COL4A4: variants seen among roughly 807,000 people sequenced by gnomAD.
The protein encoded by COL4A4 is collagen alpha-4(IV) chain.
COL4A4 carries 105 observed loss-of-function variants against 192.9 expected under a neutral mutation model. The observed-to-expected ratio is 0.54, with a 90% confidence interval of 0.46 to 0.64. COL4A4 has a LOEUF of 0.64. Among genes scored for constraint, COL4A4 ranks in the 30% least tolerant of loss-of-function variants. The probability of loss-of-function intolerance (pLI) is 0.00; values close to 1 mark genes in which losing one functional copy is unlikely to be tolerated. For synonymous variants in COL4A4, 762 were observed against 769.9 expected, an observed-to-expected ratio of 0.99 and a Z score of 0.17; for missense variants, 1,967 against 2,169.3, an observed-to-expected ratio of 0.91 and a Z score of 1.85.
downstream of COL4A4, chr2:226,998,558 C>G (rs915908388): frequency 2.6e-5 from 4 of 152,104 alleles, no homozygotes; most frequent in Admixed American, 6.6e-5. Flanking sequence ...TGAATCATTG[C>G]AGTCATTCCC....
At chr2:227,045,915 G>A (rs61212580) in intron 35 of COL4A4, among the ~76,000 whole-genome samples, 453 of 29,414 alleles carry the variant, frequency 0.015, 80 homozygotes, top group African/African-American at 0.069. Flanking sequence ...ATATATGTAT[G>A]TATATGTATA....
chr2:226,979,754 A>G, the COL4A4 span, among the ~76,000 whole-genome samples: 5 of 152,196 alleles, frequency 3.3e-5, no homozygotes, highest in Admixed American at 6.5e-5. Context: ...AGTCTCTGGC[A>G]ACTTTCAGAA....
Position 227,004,284 on chromosome 2 carries a change from C to A in COL4A4, c.*3041G>T, listed in dbSNP as rs1403480128. 1.3e-5 allele frequency: 2 copies of A among 152,356 alleles called. No individual in the cohort carries two copies. The highest frequency in any genetic ancestry group is 3.8e-4 in the East Asian group (2 of 5,198). The allele number at this position is 152,356 out of a possible 1,614,324, so 9.4% of individuals were successfully genotyped here. A position where few individuals can be genotyped will look rare whatever the true frequency, so the allele number is the denominator to read the frequency against. On this transcript the variant is annotated 3_prime_UTR_variant, in exon 48 of 48. Coordinates refer to ENST00000396625, the MANE Select transcript of COL4A4 (RefSeq NM_000092.5). ...GCCTAAGTTTCCCCCAGGGAATTCA[C>A]CTCCCACGCAGGGTAAACTGACCCC...
chr2:227,081,270 T>C (rs2059310244), intron 23 of COL4A4, among the ~76,000 whole-genome samples: 1 of 152,182 alleles, frequency 6.6e-6, no homozygotes, highest in Non-Finnish European at 1.5e-5. Context: ...GTGGGCACCA[T>C]CCAATTAGCT....
chr2:227,131,408 G>T (rs2062458171), intron 4 of COL4A4, among the ~76,000 whole-genome samples: 1 of 151,952 alleles, frequency 6.6e-6, no homozygotes, highest in Admixed American at 6.6e-5. Context: ...ACCCACCTTG[G>T]CCTCCCAAAG....
rs1971607425 is a variant in COL4A4 at position 227,042,181 on chromosome 2, C to T, written c.3472G>A (p.Asp1158Asn). 4 of 1,612,418 alleles carry T rather than the reference C, an allele frequency of 2.5e-6. No homozygotes were observed. The highest frequency in any genetic ancestry group is 1.7e-6 in the Non-Finnish European group (2 of 1,178,568). The change falls in exon 37 of 48, where the codon GAT (aspartate) becomes AAT (asparagine). Residue 1158 changes from aspartate (D) to asparagine (N), a missense_variant. Physicochemically the swap from Asp to Asn is conservative, Grantham distance 23. Coordinates refer to ENST00000396625, the MANE Select transcript of COL4A4 (RefSeq NM_000092.5). ...CCCGGAGGACCTGGTATCCCTGGAT[C>T]CCCCTGGAGGCCTCTTGGCCCAGGG... is the stretch of plus-strand genomic sequence containing the variant. The part of the protein sequence containing the change: ...GDPGPRGLQG[D>N]PGIPGPPGIK...
At position 227,055,945 on chromosome 2, in the gene COL4A4, C is replaced by T. The variant is rs1325550228; in HGVS notation, c.2716G>A (p.Gly906Arg). 1 of 1,613,624 alleles carries T rather than the reference C, an allele frequency of 6.2e-7. No individual in the cohort carries two copies. The highest frequency in any genetic ancestry group is 2.2e-5 in the East Asian group (1 of 44,886). The change falls in exon 30 of 48, where the codon GGA becomes AGA. Residue 906 changes from glycine (G) to arginine (R), a missense_variant and splice_region_variant. By Grantham distance (125) the Gly-to-Arg change is moderately radical. Transcript: ENST00000396625. Reference protein sequence around the residue: ...DGLPGPPGPKGPRGLPGFPGF... With the variant: ...DGLPGPPGPKRPRGLPGFPGF... ...ACATCATGGAAAAAGCACTACCTAC[C>T]CTTTGGACCTGGAGGACCAGGTAGC...
At chr2:227,041,842 AAG>A (rs1271004493) in intron 37 of COL4A4, among the ~76,000 whole-genome samples, 1 of 62,756 alleles carries the variant, frequency 1.6e-5, no homozygotes, top group Admixed American at 1.7e-4. Flanking sequence ...GAAAGAAAGA[AAG>A]AAAGAGAAAG....
At position 227,115,549 on chromosome 2, in the gene COL4A4, G is replaced by A. The variant is rs2061448105; in HGVS notation, c.490-853C>T. On this transcript the variant is annotated intron_variant, in intron 7 of 47. Coordinates refer to ENST00000396625, the MANE Select transcript of COL4A4 (RefSeq NM_000092.5). ...GGCCTCCCAAAGTGCTGGGATTACA[G>A]GCATGAGCCACTGTGCCCGGCCCCT... Among the ~76,000 whole-genome samples, 8 of 152,050 alleles carry A rather than the reference G, an allele frequency of 5.3e-5. No individual in the cohort carries two copies. In the South Asian group the frequency reaches 1.7e-3, roughly 32 times the overall value.
At position 227,025,793 on chromosome 2, in the gene COL4A4, A is replaced by C. The variant is rs1403373167; in HGVS notation, c.4090+9T>G. 1.2e-6 allele frequency: 2 copies of C among 1,612,784 alleles called. No homozygotes were observed. Among genetic ancestry groups the C allele is most frequent in the East Asian group, 2.2e-5 (1 of 44,852 alleles). ...GAGGGGAAATTACCAATTTTATAGC[A>C]AAGCTTACCTCTGGGACCTAGAGGG... is the stretch of plus-strand genomic sequence containing the variant. On this transcript the variant is annotated intron_variant, in intron 43 of 47. Coordinates refer to ENST00000396625, the MANE Select transcript of COL4A4 (RefSeq NM_000092.5).
chr2:227,102,644 A>G, intron 15 of COL4A4, 145 bp downstream of exon 15: 2 of 731,904 alleles, frequency 2.7e-6, no homozygotes, highest in Non-Finnish European at 5.0e-6. Flanking sequence ...ATATTTAGAT[A>G]TTCCATAATT....
chr2:227,152,848 C>T (rs564460168), intron 1 of COL4A4, among the ~76,000 whole-genome samples: 19 of 152,260 alleles, frequency 1.2e-4, no homozygotes, highest in East Asian at 3.9e-4. Context: ...TGGGAATAGA[C>T]GAAGCAGTGT....
rs917692256 is a variant in COL4A4 at position 227,147,462 on chromosome 2, G to A, written c.22C>T (p.Leu8=). 1 of 1,613,678 alleles carries A rather than the reference G, an allele frequency of 6.2e-7. No individual in the cohort carries two copies. Among genetic ancestry groups the A allele is most frequent in the African/African-American group, 1.3e-5 (1 of 74,884 alleles). Residue 8 remains leucine (L), a synonymous_variant, in exon 2 of 48, where the codon CTA becomes TTA. Coordinates refer to ENST00000396625, the MANE Select transcript of COL4A4 (RefSeq NM_000092.5). ...GTCAATCTGAAGGAGCACCTCATTA[G>A]TACTATGTGCAGAGACCACATCGCA... is the stretch of plus-strand genomic sequence containing the variant. MWSLHIV[L]MRCSFRLTKS...
At chr2:227,132,014 T>TA (rs1351175591) in intron 4 of COL4A4, among the ~76,000 whole-genome samples, 1 of 152,194 alleles carries the variant, frequency 6.6e-6, no homozygotes, top group Non-Finnish European at 1.5e-5. Flanking sequence ...TCTGTTGTAT[T>TA]AAGCCACCAT....
intron 37 of COL4A4, among the ~76,000 whole-genome samples, chr2:227,041,894 G>GAAAGAA (rs1971475857): frequency 1.3e-5 from 2 of 148,886 alleles, no homozygotes; most frequent in African/African-American, 2.6e-5. Context: ...AAGAAAGAAA[G>GAAAGAA]AAAGAAAGAA....
At chr2:227,029,591 C>T (rs1427294301) in intron 41 of COL4A4, among the ~76,000 whole-genome samples, 2 of 152,142 alleles carry the variant, frequency 1.3e-5, no homozygotes, top group South Asian at 4.1e-4. Context: ...TTACTGGGCT[C>T]TTTTTGCAAA....
At chr2:227,032,424 T>C in intron 38 of COL4A4, 148 bp from the exon 39 acceptor site, 2 of 844,508 alleles carry the variant, frequency 2.4e-6, no homozygotes, top group Non-Finnish European at 3.8e-6. Flanking sequence ...TCCAAATGTC[T>C]GCACCATTTC....
In COL4A4 at chr2:227,025,146, T is replaced by C. The variant is rs941991575; in HGVS notation, c.4090+656A>G. On this transcript the variant is annotated intron_variant, in intron 43 of 47. Coordinates refer to ENST00000396625, the MANE Select transcript of COL4A4 (RefSeq NM_000092.5). ...AAGACCTTAAAAATAATACATGGTG[T>C]CTATATTCACAGCAATTTTCATTAG... Among the ~76,000 whole-genome samples, 7 of 152,342 alleles carry C rather than the reference T, an allele frequency of 4.6e-5. No individual in the cohort carries two copies. In the East Asian group the frequency reaches 1.3e-3, roughly 29 times the overall value.
intron 17 of COL4A4, 29 bp from the exon 18 acceptor site, chr2:227,099,718 A>G (rs2060401349): frequency 6.3e-7 from 1 of 1,599,284 alleles, no homozygotes; most frequent in African/African-American, 1.3e-5. Flanking sequence ...TCACTTTTTA[A>G]AGGAATATTA....
Sources: allele counts gnomAD v4.1 joint callset (sites outside exome capture counted in the v4.1 genomes callset), GRCh38; gene constraint gnomAD v4.1.1; transcripts MANE v1.5; gene names NCBI Gene and HGNC (gene_info 2026-07-23, HGNC 2026-07-21).